POFUT3: variants seen among roughly 807,000 people sequenced by gnomAD.
POFUT3 encodes GDP-fucose protein O-fucosyltransferase 3.
At chr8:33,341,394 C>T in the POFUT3 span, among the ~76,000 whole-genome samples, 7 of 146,442 alleles carry the variant, frequency 4.8e-5, no homozygotes, top group Non-Finnish European at 8.9e-5. Flanking sequence ...GAGATTGCAC[C>T]ACTGCACTCC....
the POFUT3 span, among the ~76,000 whole-genome samples, chr8:33,357,928 C>A: frequency 6.6e-6 from 1 of 152,154 alleles, no homozygotes; most frequent in African/African-American, 2.4e-5. Context: ...AGAAGGCAAT[C>A]AGATAAATCT....
the POFUT3 span, among the ~76,000 whole-genome samples, chr8:33,464,415 C>T: frequency 3.3e-5 from 5 of 152,202 alleles, no homozygotes; most frequent in African/African-American, 9.6e-5. Context: ...ATAAGAAAAC[C>T]GAATCTGAAT....
the POFUT3 span, among the ~76,000 whole-genome samples, chr8:33,316,369 G>T: frequency 9.9e-5 from 15 of 152,070 alleles, no homozygotes; most frequent in Middle Eastern, 3.4e-3. Flanking sequence ...TGCATCTATG[G>T]TTAGTTAGTG....
the POFUT3 span, among the ~76,000 whole-genome samples, chr8:33,367,382 C>T: frequency 6.6e-6 from 1 of 152,224 alleles, no homozygotes; most frequent in Admixed American, 6.5e-5. Flanking sequence ...TTTAATTCGG[C>T]CCATCCCTTC....
the POFUT3 span, among the ~76,000 whole-genome samples, chr8:33,310,203 C>A: frequency 6.6e-6 from 1 of 152,080 alleles, no homozygotes; most frequent in South Asian, 2.1e-4. Flanking sequence ...AATTTTGCCA[C>A]ACCACTCACA....
the POFUT3 span, among the ~76,000 whole-genome samples, chr8:33,320,596 G>A: frequency 2.6e-5 from 4 of 152,092 alleles, no homozygotes; most frequent in Non-Finnish European, 4.4e-5. Flanking sequence ...GGTAGTTTTC[G>A]GTTGAGATCT....
At chr8:33,404,603 C>T in the POFUT3 span, among the ~76,000 whole-genome samples, 1 of 152,026 alleles carries the variant, frequency 6.6e-6, no homozygotes, top group African/African-American at 2.4e-5. Context: ...TAAATAAATG[C>T]CTTTATTGCT....
At chr8:33,463,048 T>C in the POFUT3 span, among the ~76,000 whole-genome samples, 1 of 151,842 alleles carries the variant, frequency 6.6e-6, no homozygotes, top group Non-Finnish European at 1.5e-5. Context: ...GGAGGAAGGG[T>C]CAACTTTCCA....
chr8:33,309,351 T>TGTGTGTGTGTGTGTGTGTG, the POFUT3 span, among the ~76,000 whole-genome samples: 1 of 142,506 alleles, frequency 7.0e-6, no homozygotes, highest in African/African-American at 2.7e-5. Flanking sequence ...CTTAAAGGTA[T>TGTGTGTGTGTGTGTGTGTG]TGTGTGTGTG....
the POFUT3 span, among the ~76,000 whole-genome samples, chr8:33,375,078 G>A: frequency 6.6e-6 from 1 of 151,442 alleles, no homozygotes; most frequent in Non-Finnish European, 1.5e-5. Flanking sequence ...TTTTAGTAGA[G>A]ACGGGGTTTC....
chr8:33,399,852 C>T, the POFUT3 span, among the ~76,000 whole-genome samples: 1 of 151,760 alleles, frequency 6.6e-6, no homozygotes, highest in Non-Finnish European at 1.5e-5. Flanking sequence ...CGGGGTTTCA[C>T]CATGTTCGTC....
chr8:33,312,461 G>A, the POFUT3 span, among the ~76,000 whole-genome samples: 1 of 151,240 alleles, frequency 6.6e-6, no homozygotes, highest in South Asian at 2.1e-4. Flanking sequence ...GAGAAGATGA[G>A]TCTCACCACC....
At chr8:33,333,628 G>A in the POFUT3 span, among the ~76,000 whole-genome samples, 1 of 152,110 alleles carries the variant, frequency 6.6e-6, no homozygotes. Flanking sequence ...GAAATAGTGG[G>A]AAATAGTGGG....
At chr8:33,355,289 C>T in the POFUT3 span, among the ~76,000 whole-genome samples, 1 of 152,156 alleles carries the variant, frequency 6.6e-6, no homozygotes, top group African/African-American at 2.4e-5. Context: ...ACAGAGGCTC[C>T]CTTCCACTTG....
At chr8:33,448,737 C>A in the POFUT3 span, among the ~76,000 whole-genome samples, 1 of 152,074 alleles carries the variant, frequency 6.6e-6, no homozygotes, top group African/African-American at 2.4e-5. Flanking sequence ...AGTTCAAGAC[C>A]AGCCTGGCCA....
chr8:33,388,779 C>T, the POFUT3 span: 1 of 608,720 alleles, frequency 1.6e-6, no homozygotes. Flanking sequence ...CTGTCCAGGG[C>T]TTGTAAACTT....
At chr8:33,328,001 A>T in the POFUT3 span, among the ~76,000 whole-genome samples, 3 of 152,212 alleles carry the variant, frequency 2.0e-5, no homozygotes, top group South Asian at 6.2e-4. Flanking sequence ...TCAATAGGGC[A>T]TTCTTAACTG....
chr8:33,348,170 C>CAA, the POFUT3 span, among the ~76,000 whole-genome samples: 1,747 of 95,000 alleles, frequency 0.018, 45 homozygotes, highest in African/African-American at 0.06. Context: ...GACTCTGCCT[C>CAA]AAAAAAAAAA....
chr8:33,348,032 G>T, the POFUT3 span, among the ~76,000 whole-genome samples: 1 of 152,066 alleles, frequency 6.6e-6, no homozygotes, highest in Admixed American at 6.6e-5. Flanking sequence ...GCAAAAATTA[G>T]CCAGACCTGG....
Sources: allele counts gnomAD v4.1 joint callset (sites outside exome capture counted in the v4.1 genomes callset), GRCh38; gene constraint gnomAD v4.1.1; transcripts MANE v1.5; gene names NCBI Gene and HGNC (gene_info 2026-07-23, HGNC 2026-07-21).